AACS: variants seen among roughly 807,000 people sequenced by gnomAD.
AACS encodes acetoacetyl-CoA synthetase, also known as acetoacetate-CoA ligase.
In AACS, 69 loss-of-function variants were observed where a neutral mutation model predicts 83.1. The ratio of observed to expected loss-of-function variants is 0.83; its 90% CI spans 0.68 to 1.01. The LOEUF is 1.01. Among genes scored for constraint, AACS ranks in the 50% least tolerant of loss-of-function variants. The pLI, the probability that AACS is intolerant of heterozygous loss-of-function variation, is 0.00. For missense variants in AACS, 866 were observed against 882.2 expected (o/e 0.98, Z 0.23); for synonymous variants, 333 against 343.4 (o/e 0.97, Z 0.33).
At chr12:125,131,765 A>G (rs1187251994) in intron 14 of AACS, among the ~76,000 whole-genome samples, 1 of 151,696 alleles carries the variant, frequency 6.6e-6, no homozygotes, top group Non-Finnish European at 1.5e-5. Flanking sequence ...CGCCCAGCTA[A>G]TTTTTGTATT....
In AACS at chr12:125,133,988, C is replaced by A. The variant is rs1327342283; in HGVS notation, c.1550-15C>A. Reference sequence around the variant, plus strand: ...TTCTCCTCGGGATGACCGGGCACCTCTGCTGTCTTTGCAGGTATCTGGGCT... The same window carrying A: ...TTCTCCTCGGGATGACCGGGCACCTATGCTGTCTTTGCAGGTATCTGGGCT... On this transcript the variant is annotated splice_polypyrimidine_tract_variant and intron_variant, in intron 14 of 17. Transcript: ENST00000316519. 1 of 1,614,004 alleles carries A rather than the reference C, an allele frequency of 6.2e-7. No homozygotes were observed. The highest frequency in any genetic ancestry group is 8.5e-7 in the Non-Finnish European group (1 of 1,180,010).
chr12:125,104,229 C>T (rs1956785594), intron 7 of AACS, among the ~76,000 whole-genome samples: 1 of 152,050 alleles, frequency 6.6e-6, no homozygotes, highest in Non-Finnish European at 1.5e-5. Context: ...GCACCTTGTA[C>T]GTGGCTCCTT....
intron 3 of AACS, among the ~76,000 whole-genome samples, chr12:125,084,144 G>A (rs745431439): frequency 1.3e-5 from 2 of 151,804 alleles, no homozygotes; most frequent in African/African-American, 2.4e-5. Context: ...CCTGACCAAC[G>A]TGGTGAAACC....
chr12:125,076,675 G>A, intron 3 of AACS, 64 bp downstream of exon 3: 2 of 1,598,458 alleles, frequency 1.3e-6, no homozygotes, highest in South Asian at 1.1e-5. Context: ...CATGCATGCG[G>A]TGCCACATAT....
At position 125,090,228 on chromosome 12, in the gene AACS, T is replaced by TCTTCTCTCCACCTACCC. The variant is rs1565932130; in HGVS notation, c.473-1198_473-1197insCTTCTCTCCACCTACCC. Among the ~76,000 whole-genome samples, 10 of 112,340 alleles carry TCTTCTCTCCACCTACCC rather than the reference T, an allele frequency of 8.9e-5. 3 individuals carry two copies. The highest frequency in any genetic ancestry group is 3.4e-4 in the South Asian group (1 of 2,962). 73.7% of individuals were successfully genotyped at this position (112,340 alleles called of 152,430 possible). On this transcript the variant is annotated intron_variant, in intron 4 of 17. Transcript: ENST00000316519. ...CCCATTATCCATCTATCCATCCATT[T>TCTTCTCTCCACCTACCC]ATTATGCTTCCACCCATCATCTACC...
rs773809974 is a variant in AACS, at chr12:125,113,844, G to A, written c.916-633G>A. On this transcript the variant is annotated intron_variant, in intron 8 of 17. Transcript: ENST00000316519. This position sits in a 1 kb window ranked among gnomAD's most constrained non-coding sequence, Gnocchi z 4.8. ...AGTATCTGCTTCAGAGTTCTGGACC[G>A]TGCAAATACATTGCCTATTAAGCAC... Among the ~76,000 whole-genome samples, 6 of 152,144 alleles carry A rather than the reference G, an allele frequency of 3.9e-5. No homozygotes were observed. The highest frequency in any genetic ancestry group is 1.9e-4 in the East Asian group (1 of 5,200).
Position 125,091,420 on chromosome 12 carries a change from C to G in AACS, c.473-6C>G, listed in dbSNP as rs1956482477. 1 of 1,614,110 alleles carries G rather than the reference C, an allele frequency of 6.2e-7. No homozygotes were observed. Among genetic ancestry groups the G allele is most frequent in the Non-Finnish European group, 8.5e-7 (1 of 1,179,936 alleles). On this transcript the variant is annotated splice_polypyrimidine_tract_variant and splice_region_variant and intron_variant, in intron 4 of 17. Coordinates refer to ENST00000316519, the MANE Select transcript of AACS (RefSeq NM_023928.5). ...CCCAAGGCTTCTTCCTATGTTTTCT[C>G]CACAGGTTATTTACCCAACAGTGAG...
chr12:125,109,598 A>G (rs1956907586), intron 8 of AACS, among the ~76,000 whole-genome samples: 1 of 152,198 alleles, frequency 6.6e-6, no homozygotes, highest in African/African-American at 2.4e-5. Flanking sequence ...TCTCTTACAG[A>G]AGAGTGTGTA....
intron 1 of AACS, among the ~76,000 whole-genome samples, chr12:125,072,919 G>GTT (rs200182531): frequency 2.3e-4 from 21 of 90,412 alleles, no homozygotes; most frequent in African/African-American, 3.7e-4. Context: ...TGTAACTTTT[G>GTT]TTTTTTTTTT....
chr12:125,096,033 C>T (rs1420019374), intron 5 of AACS, among the ~76,000 whole-genome samples: 1 of 152,226 alleles, frequency 6.6e-6, no homozygotes, highest in East Asian at 1.9e-4. Flanking sequence ...GGCGCGATCT[C>T]GGCTCACTGC....
chr12:125,074,876 C>T (rs1180016717), intron 2 of AACS, among the ~76,000 whole-genome samples: 1 of 151,330 alleles, frequency 6.6e-6, no homozygotes, highest in Admixed American at 6.6e-5. Flanking sequence ...GTTGCCCAGG[C>T]TGGCCTCAAA....
At chr12:125,133,893 C>T in intron 14 of AACS, 110 bp from the exon 15 acceptor site, 1 of 1,092,332 alleles carries the variant, frequency 9.2e-7, no homozygotes, top group East Asian at 2.5e-5. Flanking sequence ...CATGCCAGAC[C>T]TGCCTCTGGG....
At chr12:125,073,822 A>T in intron 1 of AACS, 54 bp from the exon 2 acceptor site, 1 of 1,450,460 alleles carries the variant, frequency 6.9e-7, no homozygotes, top group Non-Finnish European at 9.6e-7. Context: ...CCATCTTATT[A>T]ATGGATTGCC....
intron 5 of AACS, among the ~76,000 whole-genome samples, chr12:125,098,805 T>C (rs1427854322): frequency 6.6e-6 from 1 of 152,258 alleles, no homozygotes; most frequent in African/African-American, 2.4e-5. Context: ...TTTATTTTGC[T>C]GGATTGAGTT....
At chr12:125,071,300 C>T (rs1390284872) in intron 1 of AACS, among the ~76,000 whole-genome samples, 1 of 152,154 alleles carries the variant, frequency 6.6e-6, no homozygotes, top group Non-Finnish European at 1.5e-5. Flanking sequence ...TCCACAATAC[C>T]CTGTTGGTGA....
At chr12:125,081,830 A>T (rs554129083) in intron 3 of AACS, among the ~76,000 whole-genome samples, 2 of 151,652 alleles carry the variant, frequency 1.3e-5, no homozygotes, top group African/African-American at 4.8e-5. Context: ...CAAGGAGAGG[A>T]TGAAGGGCAG....
intron 2 of AACS, among the ~76,000 whole-genome samples, chr12:125,075,739 G>A (rs1207838529): frequency 6.6e-6 from 1 of 151,852 alleles, no homozygotes; most frequent in Admixed American, 6.6e-5. Flanking sequence ...GACTACAGGC[G>A]CACGCTGGCA....
intron 2 of AACS, among the ~76,000 whole-genome samples, chr12:125,075,131 C>T (rs191052269): frequency 4.6e-5 from 7 of 151,820 alleles, no homozygotes; most frequent in South Asian, 4.2e-4. Context: ...TGCGCCACCA[C>T]GCCCAGCCAA....
At chr12:125,089,297 G>C (rs560706709) in intron 4 of AACS, among the ~76,000 whole-genome samples, 2 of 152,244 alleles carry the variant, frequency 1.3e-5, no homozygotes, top group East Asian at 3.9e-4. Flanking sequence ...TGTGAATCCA[G>C]ACAAACAGAA....
Sources: gnomAD v4.1 joint callset for allele counts (sites outside exome capture counted in the v4.1 genomes callset) on GRCh38, gnomAD v4.1.1 for gene constraint, Gnocchi (gnomAD v3.1) non-coding constraint, MANE v1.5 for transcripts, NCBI Gene and HGNC (gene_info 2026-07-23, HGNC 2026-07-21) for gene names.